EHMT1: variants seen among roughly 807,000 people sequenced by gnomAD.
EHMT1 encodes the protein euchromatic histone lysine methyltransferase 1.
In EHMT1, 15 loss-of-function variants were observed where a neutral mutation model predicts 147.2. That is an observed-to-expected ratio of 0.10 (90% confidence interval 0.07 to 0.16). The LOEUF (loss-of-function observed/expected upper bound fraction) is 0.16. EHMT1 is among the 10% of genes least tolerant of loss of function. EHMT1 has a pLI of 1.00. For missense variants in EHMT1, 1,587 were observed against 1,772.4 expected (o/e 0.90, Z 1.88); for synonymous variants, 795 against 709.6 (o/e 1.12, Z -1.91).
chr9:137,724,769 C>G (rs1226028254), intron 3 of EHMT1, among the ~76,000 whole-genome samples: 2 of 152,204 alleles, frequency 1.3e-5, no homozygotes, highest in African/African-American at 4.8e-5. Context: ...GCAGTCAAAC[C>G]TGGTGTGCTG....
intron 1 of EHMT1, among the ~76,000 whole-genome samples, chr9:137,648,692 T>A (rs1459161060): frequency 6.6e-6 from 1 of 152,168 alleles, no homozygotes; most frequent in Admixed American, 6.6e-5. Context: ...TTGGACATCA[T>A]AAACATGTTA....
intron 15 of EHMT1, chr9:137,784,036 A>G (rs1951767086): frequency 1.3e-6 from 1 of 748,258 alleles, no homozygotes; most frequent in Non-Finnish European, 2.3e-6. Context: ...GTCTTAGTCC[A>G]TTTTCTCTAG....
At chr9:137,651,045 A>G (rs566905703) in intron 1 of EHMT1, 1 of 152,188 alleles carries the variant, frequency 6.6e-6, no homozygotes, top group East Asian at 1.9e-4. Context: ...TGGGTAGGTG[A>G]CAGAGTGAGA....
At chr9:137,641,166 C>CGT (rs1844458609) in intron 1 of EHMT1, 1 of 413,414 alleles carries the variant, frequency 2.4e-6, no homozygotes, top group South Asian at 2.0e-5. Flanking sequence ...TCTGCACCTG[C>CGT]GTCAGAATGG....
intron 1 of EHMT1, among the ~76,000 whole-genome samples, chr9:137,643,335 AG>A (rs1429875424): frequency 1.4e-5 from 2 of 139,854 alleles, no homozygotes; most frequent in African/African-American, 5.4e-5. Context: ...TTGTGTATAA[AG>A]GTTTTTTTTT....
rs113999867 is a variant in EHMT1 at position 137,682,463 on chromosome 9, C to T, written c.22-28504C>T. ...CTGAGAACTTTTATCTTTCTCAAATCTTAGCCTGAACTAGCCAAGTTCAGG... is the reference window on the plus strand; with the variant it reads ...CTGAGAACTTTTATCTTTCTCAAATTTTAGCCTGAACTAGCCAAGTTCAGG... On this transcript the variant is annotated intron_variant, in intron 1 of 26. Transcript: ENST00000460843. 5.4e-3 allele frequency among the ~76,000 whole-genome samples: 819 copies of T among 152,186 alleles called. 10 individuals carry two copies. Among genetic ancestry groups the T allele is most frequent in the African/African-American group, 0.019 (775 of 41,522 alleles).
In EHMT1 at chr9:137,813,153, C is replaced by T. The variant is rs773020101; in HGVS notation, c.3015C>T (p.Pro1005=). The T allele has an allele frequency of 5.6e-6, 9 of 1,610,734 alleles. No individual in the cohort carries two copies. The East Asian group carries it at 6.7e-5, about 12-fold the overall frequency. The part of the protein sequence containing the change: ...LQDSAPDRPS[P]VERIVSRDIA... ...ACTCGGCCCCCGACAGGCCCAGCCC[C>T]GTGGAGAGGATAGTGAGCAGGTGAG... The change falls in exon 20 of 27, where the codon CCC becomes CCT. Residue 1005 remains proline (P), a synonymous_variant. Coordinates refer to ENST00000460843, the MANE Select transcript of EHMT1 (RefSeq NM_024757.5). This position sits in a 1 kb window ranked among gnomAD's most constrained non-coding sequence, Gnocchi z 4.9.
intron 22 of EHMT1, 62 bp from the exon 23 acceptor site, chr9:137,815,885 A>T: frequency 4.4e-6 from 6 of 1,367,062 alleles, no homozygotes; most frequent in Non-Finnish European, 6.1e-6. Flanking sequence ...AAATGGGTTG[A>T]TGTCAGTTCA....
intron 1 of EHMT1, among the ~76,000 whole-genome samples, chr9:137,669,075 C>G (rs988260075): frequency 1.3e-5 from 2 of 152,126 alleles, no homozygotes; most frequent in African/African-American, 2.4e-5. Context: ...TTAGTACAGA[C>G]GGGGTTTCAC....
chr9:137,776,827 C>T lies in EHMT1; in HGVS notation c.2001C>T (p.Ala667=), dbSNP rs1287856640. 8.1e-6 allele frequency: 13 copies of T among 1,613,714 alleles called. No individual in the cohort carries two copies. Among genetic ancestry groups the T allele is most frequent in the South Asian group, 2.2e-5 (2 of 91,070 alleles). ...QEKGSALEGR[A]DTTTGSAAGP... ...AGGGCTCGGCCCTGGAGGGCAGGGC[C>T]GACACCACAACGGGCAGGTACCTGG... Residue 667 remains alanine, a synonymous_variant, in exon 12 of 27, where the codon GCC becomes GCT. Transcript: ENST00000460843. The surrounding 1 kb of genome is among the most constrained non-coding windows in gnomAD (Gnocchi z 4.4).
chr9:137,621,114 G>C, intron 1 of EHMT1, among the ~76,000 whole-genome samples: 1 of 152,158 alleles, frequency 6.6e-6, no homozygotes, highest in East Asian at 1.9e-4. Context: ...TGTTATATCT[G>C]TGATGGTCAT....
chr9:137,825,364 C>A (rs1180707569), intron 25 of EHMT1, among the ~76,000 whole-genome samples: 1 of 152,214 alleles, frequency 6.6e-6, no homozygotes, highest in Non-Finnish European at 1.5e-5. Flanking sequence ...TGACTTGCTT[C>A]CTGCAATCCT....
rs370162134 is a variant in EHMT1, at chr9:137,765,081, C to T, written c.1647+2261C>T. On this transcript the variant is annotated intron_variant, in intron 10 of 26. Coordinates refer to ENST00000460843, the MANE Select transcript of EHMT1 (RefSeq NM_024757.5). ...TGGGTTTCTGCGGCGGCCGCCTGTC[C>T]GCCCGAAGGCGGTATTGTCCTTGGT... Among the ~76,000 whole-genome samples, 56 of 152,348 alleles carry T rather than the reference C, an allele frequency of 3.7e-4. No homozygotes were observed. In the East Asian group the frequency reaches 5.4e-3, roughly 15 times the overall value.
chr9:137,673,011 G>T (rs948158018), intron 1 of EHMT1, among the ~76,000 whole-genome samples: 1 of 152,232 alleles, frequency 6.6e-6, no homozygotes, highest in East Asian at 1.9e-4. Context: ...TGGTGCTTTT[G>T]TTCTAGGTCC....
chr9:137,771,561 C>T (rs1380105128), intron 10 of EHMT1, among the ~76,000 whole-genome samples: 4 of 152,188 alleles, frequency 2.6e-5, no homozygotes, highest in Admixed American at 6.5e-5. Context: ...CTGTGCTCCT[C>T]GGAGTCCTGG....
rs1453735591 is a variant in EHMT1 at position 137,828,105 on chromosome 9, A to G, written c.3541-6244A>G. Among the ~76,000 whole-genome samples, 1 of 152,122 alleles carries G rather than the reference A, an allele frequency of 6.6e-6. No individual in the cohort carries two copies. Among genetic ancestry groups the G allele is most frequent in the Admixed American group, 6.5e-5 (1 of 15,276 alleles). On this transcript the variant is annotated intron_variant, in intron 25 of 26. Transcript: ENST00000460843. The surrounding 1 kb of genome is among the most constrained non-coding windows in gnomAD (Gnocchi z 5.3). ...GGCACGCAGTGGGAGGCCATGGGCA[A>G]GGTTGATGGCCCATGGGGGCGGCCC...
intron 3 of EHMT1, among the ~76,000 whole-genome samples, chr9:137,727,133 A>G (rs1262657546): frequency 6.6e-6 from 1 of 152,184 alleles, no homozygotes; most frequent in East Asian, 1.9e-4. Context: ...TTTGATGCAC[A>G]TAAATTTTAA....
At chr9:137,627,845 G>A (rs8181211) in intron 1 of EHMT1, among the ~76,000 whole-genome samples, 20,428 of 151,762 alleles carry the variant, frequency 0.13, 1,933 homozygotes, top group Admixed American at 0.29. Context: ...AAGTAGCTGG[G>A]ATTATAGTTG....
intron 18 of EHMT1, among the ~76,000 whole-genome samples, chr9:137,807,893 T>C (rs1276170547): frequency 2.6e-5 from 4 of 152,296 alleles, no homozygotes; most frequent in African/African-American, 9.6e-5. Context: ...TTCTCCCCAT[T>C]GTGGGTCATG....
Sources: allele counts gnomAD v4.1 joint callset (sites outside exome capture counted in the v4.1 genomes callset), GRCh38; gene constraint gnomAD v4.1.1; non-coding constraint Gnocchi (gnomAD v3.1); transcripts MANE v1.5; gene names NCBI Gene and HGNC (gene_info 2026-07-23, HGNC 2026-07-21).